The following EMP2 variants were observed in gnomAD, a reference collection of about 807,000 sequenced individuals.
EMP2 encodes epithelial membrane protein 2.
EMP2 carries 19 observed loss-of-function variants against 13.7 expected under a neutral mutation model. The ratio of observed to expected loss-of-function variants is 1.38; its 90% confidence interval spans 0.97 to 2.03. EMP2 has a LOEUF of 2.03. Among genes scored for constraint, EMP2 ranks in the 30% most tolerant of loss-of-function variants. The probability of loss-of-function intolerance (pLI) is 0.00; values close to 1 mark genes in which losing one functional copy is unlikely to be tolerated. For synonymous variants in EMP2, 97 were observed against 84.7 expected, an observed-to-expected ratio of 1.15 and a Z score of -0.80; for missense variants, 253 against 220.7, an observed-to-expected ratio of 1.15 and a Z score of -0.93.
chr16:10,574,230 G>A lies in EMP2; in HGVS notation c.-61+6319C>T, dbSNP rs183407302. Among the ~76,000 whole-genome samples the A allele has an allele frequency of 5.3e-5, 8 of 152,192 alleles. No homozygotes were observed. In the East Asian group the frequency reaches 7.7e-4, roughly 15 times the overall value. On this transcript the variant is annotated intron_variant, in intron 1 of 4. Coordinates refer to ENST00000359543, the MANE Select transcript of EMP2 (RefSeq NM_001424.6). ...TGGGATTAGAGGCGTGAGCTACTGC[G>A]CCCGGCCCCTTGTTCTTTTTAACTG...
intron 1 of EMP2, among the ~76,000 whole-genome samples, chr16:10,554,531 G>A (rs780810282): frequency 3.9e-5 from 6 of 152,104 alleles, no homozygotes; most frequent in Non-Finnish European, 8.8e-5. Context: ...CTGATGATAC[G>A]AAAGAACAAA....
In EMP2 at chr16:10,532,758, CTTTTT is replaced by C. The variant is rs878927571; in HGVS notation, c.*142_*146del. 1.2e-3 allele frequency: 228 copies of C among 184,878 alleles called. 25 individuals are homozygous for C. The highest frequency in any genetic ancestry group is 8.1e-3 in the African/African-American group (194 of 23,814). The allele number at this position is 184,878 out of a possible 1,614,324, so 11.5% of individuals were successfully genotyped here. ...CTTTTGGATTTTTTTTTTCTTTTTTCTTTTTTTTTTTTTTTTTTTTTTTTTTTTGG... is the reference window on the plus strand; with the variant it reads ...CTTTTGGATTTTTTTTTTCTTTTTTCTTTTTTTTTTTTTTTTTTTTTTTGG... On this transcript the variant is annotated 3_prime_UTR_variant, in exon 5 of 5. Transcript: ENST00000359543.
Position 10,580,302 on chromosome 16 carries a change from G to C in EMP2, c.-61+247C>G, listed in dbSNP as rs559018741. On this transcript the variant is annotated intron_variant, in intron 1 of 4. Transcript: ENST00000359543. This position sits in a 1 kb window ranked among gnomAD's most constrained non-coding sequence, Gnocchi z 4.3. ...ACTCCTCCCCAAACTTTTCCCGCCT[G>C]CTTCGGCTCAAAAGGCGTGGGAAGC... Among the ~76,000 whole-genome samples, 18 of 152,304 alleles carry C rather than the reference G, an allele frequency of 1.2e-4. No homozygotes were observed. The highest frequency in any genetic ancestry group is 2.0e-4 in the Admixed American group (3 of 15,308).
intron 1 of EMP2, among the ~76,000 whole-genome samples, chr16:10,579,906 A>C (rs888943297): frequency 6.6e-6 from 1 of 152,192 alleles, no homozygotes; most frequent in African/African-American, 2.4e-5. Flanking sequence ...GAGGGCGTAG[A>C]ATACACACTA....
At chr16:10,558,295 G>A (rs2050847315) in intron 1 of EMP2, among the ~76,000 whole-genome samples, 1 of 152,120 alleles carries the variant, frequency 6.6e-6, no homozygotes, top group Admixed American at 6.5e-5. Flanking sequence ...CCAAAGTGCT[G>A]GGATCACAGG....
At chr16:10,538,216 G>C (rs936900670) in intron 3 of EMP2, 142 bp from the exon 4 acceptor site, 9 of 1,002,714 alleles carry the variant, frequency 9.0e-6, no homozygotes, top group South Asian at 1.6e-5. Context: ...CATGGTCTGA[G>C]CACAAGGGCA....
chr16:10,579,048 A>T (rs2051003754), intron 1 of EMP2, among the ~76,000 whole-genome samples: 1 of 152,172 alleles, frequency 6.6e-6, no homozygotes, highest in Non-Finnish European at 1.5e-5. Flanking sequence ...GAGCAAACCG[A>T]CTTAGATCTC....
intron 1 of EMP2, among the ~76,000 whole-genome samples, chr16:10,570,742 T>C (rs577326499): frequency 6.8e-4 from 104 of 152,016 alleles, no homozygotes; most frequent in African/African-American, 2.5e-3. Context: ...GGTCTCACTA[T>C]GTTGCCCAGG....
chr16:10,560,654 C>G (rs576949875), intron 1 of EMP2, among the ~76,000 whole-genome samples: 1 of 152,142 alleles, frequency 6.6e-6, no homozygotes, highest in Non-Finnish European at 1.5e-5. Flanking sequence ...ACGGATATGA[C>G]GTGATGGGAG....
chr16:10,539,133 C>T (rs973105567), intron 3 of EMP2, among the ~76,000 whole-genome samples: 7 of 151,970 alleles, frequency 4.6e-5, no homozygotes, highest in African/African-American at 1.7e-4. Flanking sequence ...AGGTGGGAGT[C>T]CTGTGTAAGA....
At chr16:10,557,648 C>T (rs2050841136) in intron 1 of EMP2, among the ~76,000 whole-genome samples, 1 of 152,094 alleles carries the variant, frequency 6.6e-6, no homozygotes, top group South Asian at 2.1e-4. Context: ...TCACTGTGTA[C>T]ACTAAATGGC....
chr16:10,540,933 C>G (rs942578693), intron 3 of EMP2, among the ~76,000 whole-genome samples: 1 of 151,948 alleles, frequency 6.6e-6, no homozygotes, highest in African/African-American at 2.4e-5. Context: ...ACAGAAAATA[C>G]AAAAATTAGC....
intron 4 of EMP2, among the ~76,000 whole-genome samples, chr16:10,535,251 A>G (rs1236168056): frequency 6.6e-6 from 1 of 152,140 alleles, no homozygotes; most frequent in Non-Finnish European, 1.5e-5. Context: ...GAAAATGGCC[A>G]CAGGAGTTGG....
At chr16:10,537,854 T>C (rs1422486227) in intron 4 of EMP2, 74 bp downstream of exon 4, 1 of 1,575,074 alleles carries the variant, frequency 6.3e-7, no homozygotes, top group Non-Finnish European at 8.6e-7. Context: ...CCTCCTGGCT[T>C]CCCTCCTGGC....
At chr16:10,553,468 T>C (rs758269805) in intron 1 of EMP2, among the ~76,000 whole-genome samples, 6 of 152,178 alleles carry the variant, frequency 3.9e-5, no homozygotes, top group Non-Finnish European at 8.8e-5. Flanking sequence ...CAGGCCCCGG[T>C]GCAGTGCTTT....
intron 1 of EMP2, among the ~76,000 whole-genome samples, chr16:10,577,607 A>G (rs1229274092): frequency 1.3e-5 from 2 of 152,084 alleles, no homozygotes; most frequent in Non-Finnish European, 2.9e-5. Context: ...CCATCGTCCA[A>G]GAGTCAGGCC....
Position 10,547,666 on chromosome 16 carries a change from G to T in EMP2, c.-49C>A. On this transcript the variant is annotated 5_prime_UTR_variant, in exon 2 of 5. It adds an upstream start codon to the 5' untranslated region. Transcript: ENST00000359543. ...GGCGAGGGGTCACGTTTAAAGCCCAGAGCGGGATGTGCTGAAGAGGGTAAG... is the reference window on the plus strand; with the variant it reads ...GGCGAGGGGTCACGTTTAAAGCCCATAGCGGGATGTGCTGAAGAGGGTAAG... 3 of 1,582,728 alleles carry T rather than the reference G, an allele frequency of 1.9e-6. No homozygotes were observed. Among genetic ancestry groups the T allele is most frequent in the South Asian group, 1.1e-5 (1 of 90,044 alleles).
At chr16:10,575,435 T>C (rs1189229575) in intron 1 of EMP2, among the ~76,000 whole-genome samples, 1 of 151,510 alleles carries the variant, frequency 6.6e-6, no homozygotes, top group African/African-American at 2.4e-5. Flanking sequence ...TTTGTAATTT[T>C]AGTAGAGACA....
intron 1 of EMP2, among the ~76,000 whole-genome samples, chr16:10,560,689 T>C (rs2050864932): frequency 6.6e-6 from 1 of 152,114 alleles, no homozygotes; most frequent in East Asian, 1.9e-4. Context: ...ATTGGCCCTG[T>C]GTTGGGGTGG....
Sources: allele counts gnomAD v4.1 joint callset (sites outside exome capture counted in the v4.1 genomes callset), GRCh38; gene constraint gnomAD v4.1.1; non-coding constraint Gnocchi (gnomAD v3.1); transcripts MANE v1.5; gene names NCBI Gene and HGNC (gene_info 2026-07-23, HGNC 2026-07-21).